ENOX1: variants seen among roughly 807,000 people sequenced by gnomAD.
ENOX1 encodes candidate growth-related and time keeping constitutive hydroquinone (NADH) oxidase.
A neutral mutation model predicts 82.5 loss-of-function variants in ENOX1; 42 were observed. That is an observed-to-expected ratio of 0.51 (90% CI 0.40 to 0.66). ENOX1 has a LOEUF of 0.66. Among genes scored for constraint, ENOX1 ranks in the 30% least tolerant of loss-of-function variants. The pLI is 0.00. For missense variants in ENOX1, 608 were observed against 811.6 expected (o/e 0.75, Z 3.05); for synonymous variants, 271 against 282.2 (o/e 0.96, Z 0.40).
chr13:43,411,831 C>T (rs2054145776), intron 5 of ENOX1, 85 bp downstream of exon 5: 11 of 1,539,952 alleles, frequency 7.1e-6, no homozygotes, highest in Middle Eastern at 2.0e-4. Flanking sequence ...GTCCAACACT[C>T]GCGGTACAGA....
intron 3 of ENOX1, among the ~76,000 whole-genome samples, chr13:43,413,507 A>G (rs185510367): frequency 6.6e-6 from 1 of 152,102 alleles, no homozygotes; most frequent in Admixed American, 6.5e-5. Context: ...AAAGGAGGGT[A>G]CCTAAATTAC....
At chr13:43,497,692 T>G (rs1436879541) in intron 2 of ENOX1, among the ~76,000 whole-genome samples, 1 of 152,132 alleles carries the variant, frequency 6.6e-6, no homozygotes, top group Non-Finnish European at 1.5e-5. Context: ...TATCGATGTG[T>G]GACTTTTTTA....
chr13:43,572,423 C>T (rs1033956380), intron 2 of ENOX1, among the ~76,000 whole-genome samples: 2 of 152,270 alleles, frequency 1.3e-5, no homozygotes, highest in South Asian at 2.1e-4. Flanking sequence ...CCAATTCCAA[C>T]GTTCCATAGA....
chr13:43,579,769 T>C (rs2080620527), intron 2 of ENOX1, among the ~76,000 whole-genome samples: 1 of 151,872 alleles, frequency 6.6e-6, no homozygotes, highest in Non-Finnish European at 1.5e-5. Context: ...TTCAAATAAG[T>C]CAAAAACAAA....
intron 3 of ENOX1, among the ~76,000 whole-genome samples, chr13:43,435,618 C>A (rs2055974771): frequency 6.6e-6 from 1 of 152,174 alleles, no homozygotes; most frequent in East Asian, 1.9e-4. Context: ...CTACATATTT[C>A]ATTTCTATTT....
intron 2 of ENOX1, among the ~76,000 whole-genome samples, chr13:43,610,184 ATAT>A (rs1409108114): frequency 6.6e-6 from 1 of 152,196 alleles, no homozygotes; most frequent in East Asian, 1.9e-4. Flanking sequence ...CTCCAACATA[ATAT>A]TGTAAAGTCA....
intron 5 of ENOX1, among the ~76,000 whole-genome samples, chr13:43,368,849 G>C (rs959705052): frequency 2.0e-5 from 3 of 152,180 alleles, no homozygotes; most frequent in African/African-American, 7.2e-5. Context: ...TGAGAAAGTG[G>C]ATGCCCAGAG....
At chr13:43,377,056 T>C (rs1566071697) in intron 5 of ENOX1, among the ~76,000 whole-genome samples, 1 of 152,196 alleles carries the variant, frequency 6.6e-6, no homozygotes, top group Non-Finnish European at 1.5e-5. Context: ...TGCTATAGTC[T>C]GTATTATAAA....
intron 3 of ENOX1, among the ~76,000 whole-genome samples, chr13:43,445,314 G>A (rs541585416): frequency 4.7e-4 from 72 of 152,042 alleles, no homozygotes; most frequent in Middle Eastern, 3.4e-3. Flanking sequence ...TAGTAGAGAT[G>A]GGGTTTCACC....
intron 1 of ENOX1, among the ~76,000 whole-genome samples, chr13:43,736,515 G>A (rs2089638802): frequency 6.6e-6 from 1 of 152,202 alleles, no homozygotes; most frequent in Admixed American, 6.5e-5. Context: ...CATCAGGTGA[G>A]CAAGCTGTCT....
intron 2 of ENOX1, among the ~76,000 whole-genome samples, chr13:43,660,221 A>G (rs977158639): frequency 6.6e-6 from 1 of 152,230 alleles, no homozygotes; most frequent in Admixed American, 6.5e-5. Flanking sequence ...GTTAGCAGTC[A>G]TCCATCTATA....
At chr13:43,407,404 G>A (rs1362297353) in intron 5 of ENOX1, among the ~76,000 whole-genome samples, 4 of 152,172 alleles carry the variant, frequency 2.6e-5, no homozygotes, top group African/African-American at 4.8e-5. Flanking sequence ...AGCGTCTCAC[G>A]AGAGGCTCAC....
At chr13:43,487,042 A>C (rs1462696465) in intron 2 of ENOX1, among the ~76,000 whole-genome samples, 1 of 152,062 alleles carries the variant, frequency 6.6e-6, no homozygotes, top group African/African-American at 2.4e-5. Flanking sequence ...ATGGTGGTGC[A>C]TGCCTGTAAT....
chr13:43,282,154 G>T (rs906920348), intron 12 of ENOX1, among the ~76,000 whole-genome samples: 2 of 151,998 alleles, frequency 1.3e-5, no homozygotes, highest in Admixed American at 1.3e-4. Flanking sequence ...TATTATTCTG[G>T]TTTTGCCTGT....
chr13:43,653,844 A>C (rs915615641), intron 2 of ENOX1, among the ~76,000 whole-genome samples: 1 of 152,214 alleles, frequency 6.6e-6, no homozygotes, highest in Non-Finnish European at 1.5e-5. Context: ...CCAGCTTTTC[A>C]AACAAATTAT....
chr13:43,670,234 G>T (rs1409153309), intron 1 of ENOX1, among the ~76,000 whole-genome samples: 2 of 152,070 alleles, frequency 1.3e-5, no homozygotes, highest in Non-Finnish European at 2.9e-5. Flanking sequence ...AAAACATCTG[G>T]TACCACTTCC....
chr13:43,357,323 A>T (rs1483179505), intron 7 of ENOX1, among the ~76,000 whole-genome samples: 2 of 151,964 alleles, frequency 1.3e-5, no homozygotes, highest in Non-Finnish European at 2.9e-5. Context: ...TCAGCTGAAA[A>T]TCTCTGTAGA....
At chr13:43,744,223 A>C (rs572347949) in intron 1 of ENOX1, among the ~76,000 whole-genome samples, 3 of 152,258 alleles carry the variant, frequency 2.0e-5, no homozygotes, top group Admixed American at 1.3e-4. Context: ...CTTTACAGTG[A>C]AAGTATGAGG....
intron 2 of ENOX1, among the ~76,000 whole-genome samples, chr13:43,502,776 C>G (rs776737085): frequency 1.7e-4 from 25 of 151,442 alleles, no homozygotes; most frequent in Middle Eastern, 6.3e-3. Flanking sequence ...ACTGAAAGAT[C>G]TTATTGAATC....
Sources: gnomAD v4.1 joint callset for allele counts (sites outside exome capture counted in the v4.1 genomes callset) on GRCh38, gnomAD v4.1.1 for gene constraint, MANE v1.5 for transcripts, NCBI Gene and HGNC (gene_info 2026-07-23, HGNC 2026-07-21) for gene names.